The following SLC48A1 variants were observed in gnomAD, a reference collection of about 807,000 sequenced individuals.
SLC48A1 encodes solute carrier family 48 member 1, also known as heme transporter HRG1.
In SLC48A1, 6 loss-of-function variants were observed where a neutral mutation model predicts 14.8. That is an observed-to-expected ratio of 0.41 (90% CI 0.22 to 0.80). The LOEUF is 0.80. Ranked by LOEUF, SLC48A1 falls within the 30% of genes least tolerant of loss-of-function variation. The pLI, the probability that SLC48A1 is intolerant of heterozygous loss-of-function variation, is 0.34. For synonymous variants in SLC48A1, 89 were observed against 90.0 expected, an observed-to-expected ratio of 0.99 and a Z score of 0.06; for missense variants, 165 against 204.8, an observed-to-expected ratio of 0.81 and a Z score of 1.19.
intron 2 of SLC48A1, among the ~76,000 whole-genome samples, chr12:47,779,495 G>A (rs1030840867): frequency 1.3e-5 from 2 of 152,198 alleles, no homozygotes; most frequent in African/African-American, 4.8e-5. Flanking sequence ...TGGTGGCTGT[G>A]GCTGGAAATA....
rs1430990763 is a variant in SLC48A1, at chr12:47,780,336, T to G, written c.*55T>G. 1 of 1,613,578 alleles carries G rather than the reference T, an allele frequency of 6.2e-7. No homozygotes were observed. Among genetic ancestry groups the G allele is most frequent in the Non-Finnish European group, 8.5e-7 (1 of 1,179,544 alleles). On this transcript the variant is annotated 3_prime_UTR_variant, in exon 3 of 3. Coordinates refer to ENST00000442218, the MANE Select transcript of SLC48A1 (RefSeq NM_017842.3). Reference sequence around the variant, plus strand: ...GGGGCCTTAGGACCTGGACTCAGCCTCTGAGATGTTGGGAGAGGCTACTCC... The same window carrying G: ...GGGGCCTTAGGACCTGGACTCAGCCGCTGAGATGTTGGGAGAGGCTACTCC...
chr12:47,769,569 A>T (rs1201437339), upstream of SLC48A1: 1 of 152,276 alleles, frequency 6.6e-6, no homozygotes, highest in Non-Finnish European at 1.5e-5. Context: ...ACTGGATATT[A>T]TAGTCTAACT....
rs1013950749 is a variant in SLC48A1, at chr12:47,777,026, C to T, written c.137-2002C>T. Among the ~76,000 whole-genome samples, 1 of 152,192 alleles carries T rather than the reference C, an allele frequency of 6.6e-6. No homozygotes were observed. The highest frequency in any genetic ancestry group is 1.5e-5 in the Non-Finnish European group (1 of 68,036). Reference sequence around the variant, plus strand: ...TTCCAGACAGGTGCCCATCAGACTGCTCCTTGAGTGTGCTCAGTGACAACA... The same window carrying T: ...TTCCAGACAGGTGCCCATCAGACTGTTCCTTGAGTGTGCTCAGTGACAACA... On this transcript the variant is annotated intron_variant, in intron 1 of 2. Transcript: ENST00000442218. This position sits in a 1 kb window ranked among gnomAD's most constrained non-coding sequence, Gnocchi z 4.5.
chr12:47,771,079 A>G (rs1041283328), upstream of SLC48A1: 2 of 352,316 alleles, frequency 5.7e-6, no homozygotes, highest in African/African-American at 2.1e-5. Flanking sequence ...ATCACTTCTC[A>G]TTAAAATACA....
upstream of SLC48A1, chr12:47,770,802 C>T: frequency 2.2e-6 from 1 of 456,692 alleles, no homozygotes; most frequent in Non-Finnish European, 4.4e-6. Context: ...CCTTTCTAAT[C>T]TCCAAACCCG....
intron 2 of SLC48A1, 150 bp from the exon 3 acceptor site, chr12:47,779,995 C>T (rs962271609): frequency 4.0e-6 from 4 of 1,004,472 alleles, no homozygotes; most frequent in South Asian, 1.9e-5. Flanking sequence ...GGCTCTAAAA[C>T]CTCCATCACA....
Position 47,773,336 on chromosome 12 carries a change from G to A in SLC48A1, c.32G>A (p.Arg11His). The A allele has an allele frequency of 6.8e-7, 1 of 1,473,074 alleles. No individual in the cohort carries two copies. The highest frequency in any genetic ancestry group is 2.5e-5 in the Admixed American group (1 of 40,622). 91.3% of individuals were successfully genotyped at this position (1,473,074 alleles called of 1,614,324 possible). MAPSRLQLGL[R>H]AAYSGISSVA... ...CCGTCCAGGCTGCAGCTCGGCCTCC[G>A]CGCCGCCTACTCCGGCATCAGCTCC... The change falls in exon 1 of 3, where the codon CGC (arginine) becomes CAC (histidine). Residue 11 changes from arginine (R) to histidine (H), a missense_variant. Coordinates refer to ENST00000442218, the MANE Select transcript of SLC48A1 (RefSeq NM_017842.3).
At position 47,773,379 on chromosome 12, in the gene SLC48A1, C is replaced by G. The variant is rs1484292415; in HGVS notation, c.75C>G (p.Ile25Met). ...SGISSVAGFS[I>M]FLVWTVVYRQ... Reference sequence around the variant, plus strand: ...TCAGCTCCGTGGCCGGCTTCTCCATCTTCCTCGTCTGGACGGTGGTCTACC... The same window carrying G: ...TCAGCTCCGTGGCCGGCTTCTCCATGTTCCTCGTCTGGACGGTGGTCTACC... Residue 25 changes from isoleucine (I) to methionine (M), a missense_variant, in exon 1 of 3, where the codon ATC (isoleucine) becomes ATG (methionine). Coordinates refer to ENST00000442218, the MANE Select transcript of SLC48A1 (RefSeq NM_017842.3). The G allele has an allele frequency of 6.8e-7, 1 of 1,479,230 alleles. No individual in the cohort carries two copies. The highest frequency in any genetic ancestry group is 9.0e-7 in the Non-Finnish European group (1 of 1,114,038). 91.6% of individuals were successfully genotyped at this position (1,479,230 alleles called of 1,614,324 possible). A position where few individuals can be genotyped will look rare whatever the true frequency, so the allele number is the denominator to read the frequency against.
chr12:47,780,306 C>T lies in SLC48A1; in HGVS notation c.*25C>T, dbSNP rs754654511. On this transcript the variant is annotated 3_prime_UTR_variant, in exon 3 of 3. Transcript: ENST00000442218. The stretch of plus-strand genomic sequence containing the variant: ...ACCCAGGGGGTGAGGTCTCTGCACC[C>T]TGGGGGGGCCTTAGGACCTGGACTC... 17 of 1,613,942 alleles carry T rather than the reference C, an allele frequency of 1.1e-5. No individual in the cohort carries two copies. The African/African-American group carries it at 2.0e-4, about 19-fold the overall frequency.
chr12:47,773,051 G>A (rs1351319469), upstream of SLC48A1: 2 of 377,548 alleles, frequency 5.3e-6, no homozygotes, highest in African/African-American at 4.4e-5. Context: ...ATGGGCCCAG[G>A]AATCCGCCTT....
Position 47,779,150 on chromosome 12 carries a change from G to T in SLC48A1, c.259G>T (p.Ala87Ser). Reference protein sequence around the residue: ...VGVLFSAVSIAAFCTFLVLAI... With the variant: ...VGVLFSAVSISAFCTFLVLAI... ...CGTCCTCTTCTCGGCCGTCTCCATC[G>T]CTGCCTTCTGCACCTTCCTCGTGCT... Residue 87 changes from alanine (A) to serine (S), a missense_variant, in exon 2 of 3, where the codon GCT (alanine) becomes TCT (serine). Physicochemically the swap from Ala to Ser is moderately conservative, Grantham distance 99. Transcript: ENST00000442218. 3 of 1,551,834 alleles carry T rather than the reference G, an allele frequency of 1.9e-6. No individual in the cohort carries two copies. Among genetic ancestry groups the T allele is most frequent in the Non-Finnish European group, 2.6e-6 (3 of 1,147,028 alleles).
At chr12:47,767,420 G>A (rs769363202), upstream of SLC48A1, among the ~76,000 whole-genome samples, 7 of 152,156 alleles carry the variant, frequency 4.6e-5, no homozygotes, top group Non-Finnish European at 7.4e-5. Flanking sequence ...GGCACCTGGC[G>A]TTATACTAGC....
At chr12:47,765,568 G>T (rs990540874) in intron 2 of SLC48A1, among the ~76,000 whole-genome samples, 1 of 152,238 alleles carries the variant, frequency 6.6e-6, no homozygotes, top group Non-Finnish European at 1.5e-5. Flanking sequence ...GAGGGTGCCT[G>T]CTGGGCCCTG....
At chr12:47,764,669 G>A (rs1414002563) in intron 2 of SLC48A1, among the ~76,000 whole-genome samples, 4 of 152,186 alleles carry the variant, frequency 2.6e-5, no homozygotes, top group African/African-American at 2.4e-5. Context: ...TCAGAGCAGA[G>A]CCATCCCACC....
chr12:47,758,929 C>T, intron 1 of SLC48A1: 2 of 1,042,960 alleles, frequency 1.9e-6, no homozygotes. Flanking sequence ...TGCCCGCCCC[C>T]TTCCCCTCCC....
At position 47,758,661 on chromosome 12, in the gene SLC48A1, G is replaced by C. The variant is rs562540437; in HGVS notation, c.-373+1G>C. 710 of 1,571,434 alleles carry C rather than the reference G, an allele frequency of 4.5e-4. 9 individuals carry two copies. In the Middle Eastern group the frequency reaches 0.012, roughly 27 times the overall value. ...AAGGGGATCCGGAGGGTGCCAGTGG[G>C]TAAGTCCAGGTACAGTGAACTGGGC... On this transcript the variant is annotated splice_donor_variant, in intron 1 of 4. Coordinates refer to the SLC48A1 transcript ENST00000547002. LOFTEE classifies it low-confidence loss of function (5UTR_SPLICE).
At chr12:47,761,193 T>A in intron 2 of SLC48A1, among the ~76,000 whole-genome samples, 1 of 119,278 alleles carries the variant, frequency 8.4e-6, no homozygotes. Flanking sequence ...CGAAACTCCA[T>A]CTCAAAAAAA....
chr12:47,775,014 G>C (rs1043808329), intron 1 of SLC48A1, among the ~76,000 whole-genome samples: 1 of 152,208 alleles, frequency 6.6e-6, no homozygotes, highest in South Asian at 2.1e-4. Flanking sequence ...GGGAGGGCCA[G>C]CCTGGGATCT....
In SLC48A1 at chr12:47,779,071, G is replaced by A. The variant is rs1942808973; in HGVS notation, c.180G>A (p.Met60Ile). The change falls in exon 2 of 3, where the codon ATG becomes ATA. Residue 60 changes from methionine (M) to isoleucine (I), a missense_variant. Physicochemically the swap from Met to Ile is conservative, Grantham distance 10. Coordinates refer to ENST00000442218, the MANE Select transcript of SLC48A1 (RefSeq NM_017842.3). ...TCCTGGTGACGCACGTGATGTACAT[G>A]CAAGATTATTGGAGGACCTGGCTCA... is the stretch of plus-strand genomic sequence containing the variant. ...LWVLVTHVMY[M>I]QDYWRTWLKG... 6.4e-7 allele frequency: 1 copy of A among 1,551,826 alleles called. No individual in the cohort carries two copies. Among genetic ancestry groups the A allele is most frequent in the African/African-American group, 1.4e-5 (1 of 73,164 alleles).
Sources: allele counts gnomAD v4.1 joint callset (sites outside exome capture counted in the v4.1 genomes callset), GRCh38; gene constraint gnomAD v4.1.1; non-coding constraint Gnocchi (gnomAD v3.1); transcripts MANE v1.5; gene names NCBI Gene and HGNC (gene_info 2026-07-23, HGNC 2026-07-21).